Variants in ROCK1 observed in about 807,000 individuals in gnomAD.
ROCK1 encodes rho-associated protein kinase 1.
ROCK1 carries 36 observed loss-of-function variants against 196.8 expected under a neutral mutation model. The observed-to-expected ratio is 0.18, with a 90% CI of 0.14 to 0.24. ROCK1 has a LOEUF of 0.24. ROCK1 is among the 10% of genes least tolerant of loss of function. The pLI is 1.00. For missense variants in ROCK1, 920 were observed against 1,562.0 expected (o/e 0.59, Z 6.93); for synonymous variants, 443 against 515.9 (o/e 0.86, Z 1.91).
intron 29 of ROCK1, among the ~76,000 whole-genome samples, chr18:20,958,112 C>G (rs2035264190): frequency 1.3e-5 from 2 of 152,230 alleles, no homozygotes; most frequent in Non-Finnish European, 1.5e-5. Flanking sequence ...TCTCATCAAT[C>G]TAAAAAGTAT....
chr18:21,036,682 T>A (rs1414835541), intron 9 of ROCK1, among the ~76,000 whole-genome samples: 1 of 151,848 alleles, frequency 6.6e-6, no homozygotes, highest in Non-Finnish European at 1.5e-5. Context: ...CCTCAAGAGG[T>A]CCTCCCACCT....
intron 22 of ROCK1, among the ~76,000 whole-genome samples, chr18:20,976,498 G>T (rs1348241314): frequency 6.6e-6 from 1 of 152,078 alleles, no homozygotes; most frequent in Non-Finnish European, 1.5e-5. Context: ...GTTATCATGT[G>T]GTAACAAATG....
At chr18:21,099,503 G>T (rs890538530) in intron 1 of ROCK1, among the ~76,000 whole-genome samples, 2 of 152,188 alleles carry the variant, frequency 1.3e-5, no homozygotes, top group African/African-American at 2.4e-5. Context: ...CAACACTTTG[G>T]GGGGTTGTGG....
At chr18:21,024,872 C>G (rs2035942959) in intron 10 of ROCK1, among the ~76,000 whole-genome samples, 1 of 152,198 alleles carries the variant, frequency 6.6e-6, no homozygotes, top group Non-Finnish European at 1.5e-5. Flanking sequence ...ATGACAAATT[C>G]TAGGTGTGGT....
At chr18:21,110,751 G>A in intron 1 of ROCK1, 67 bp downstream of exon 1, 1 of 1,265,116 alleles carries the variant, frequency 7.9e-7, no homozygotes, top group Non-Finnish European at 1.2e-6. Context: ...CAGCGAACCA[G>A]ACTAATGCAA....
rs149811184 is a variant in ROCK1, at chr18:21,082,815, G to A, written c.94-12202C>T. On this transcript the variant is annotated intron_variant, in intron 1 of 32. Transcript: ENST00000399799. ...TGTCACTTCTATTCAACTCATTATT[G>A]GAAGTTTTTGCCAGAGCAATTAGGT... is the stretch of plus-strand genomic sequence containing the variant. Among the ~76,000 whole-genome samples the A allele has an allele frequency of 2.0e-5, 3 of 152,256 alleles. No homozygotes were observed. In the East Asian group the frequency reaches 5.8e-4, roughly 29 times the overall value.
At chr18:20,969,421 T>C (rs1284636149) in intron 23 of ROCK1, 3 of 388,968 alleles carry the variant, frequency 7.7e-6, no homozygotes, top group Non-Finnish European at 1.4e-5. Context: ...TGCATATAGA[T>C]ATATGTATGA....
At chr18:20,974,874 C>T (rs2035465144) in intron 22 of ROCK1, among the ~76,000 whole-genome samples, 1 of 152,138 alleles carries the variant, frequency 6.6e-6, no homozygotes, top group South Asian at 2.1e-4. Context: ...TTTAAATATG[C>T]TCAAGTTTAC....
intron 1 of ROCK1, among the ~76,000 whole-genome samples, chr18:21,107,071 C>G (rs906906420): frequency 4.6e-5 from 7 of 152,142 alleles, no homozygotes; most frequent in African/African-American, 1.7e-4. Context: ...ATACCTTATA[C>G]ACAACAACCT....
chr18:20,969,018 A>G (rs1369413278), intron 24 of ROCK1, 97 bp downstream of exon 24: 1 of 907,188 alleles, frequency 1.1e-6, no homozygotes, highest in Non-Finnish European at 1.7e-6. Context: ...GTTACTTAAT[A>G]TATGAAAACA....
chr18:20,986,630 T>A (rs2035580520), intron 19 of ROCK1, among the ~76,000 whole-genome samples: 1 of 152,226 alleles, frequency 6.6e-6, no homozygotes, highest in Non-Finnish European at 1.5e-5. Context: ...TCTTTGGGGA[T>A]ATAAGATGCA....
intron 12 of ROCK1, among the ~76,000 whole-genome samples, chr18:21,018,731 T>C (rs1221502691): frequency 6.6e-6 from 1 of 152,212 alleles, no homozygotes; most frequent in Non-Finnish European, 1.5e-5. Flanking sequence ...CTATCAGGAA[T>C]GGTTAAAAGT....
chr18:21,044,024 A>C, intron 6 of ROCK1, 78 bp downstream of exon 6: 1 of 841,080 alleles, frequency 1.2e-6, no homozygotes, highest in Non-Finnish European at 1.9e-6. Flanking sequence ...ACCATTTTCT[A>C]AAGAATTCTT....
At chr18:20,997,755 A>C (rs2035684708) in intron 16 of ROCK1, among the ~76,000 whole-genome samples, 1 of 152,220 alleles carries the variant, frequency 6.6e-6, no homozygotes, top group South Asian at 2.1e-4. Flanking sequence ...AGTCTTGAAA[A>C]ATTCAAAAAA....
intron 12 of ROCK1, 126 bp from the exon 13 acceptor site, chr18:21,015,605 C>T: frequency 1.5e-6 from 1 of 666,980 alleles, no homozygotes; most frequent in South Asian, 1.8e-5. Flanking sequence ...CCATGGATCT[C>T]TTTGGCAGTC....
chr18:21,063,684 G>A (rs117604179), intron 2 of ROCK1, among the ~76,000 whole-genome samples: 15 of 152,284 alleles, frequency 9.9e-5, no homozygotes, highest in Non-Finnish European at 1.8e-4. Context: ...TGGCAGCAAC[G>A]TAGGTAACTG....
chr18:21,091,039 C>T, intron 1 of ROCK1, among the ~76,000 whole-genome samples: 1 of 105,436 alleles, frequency 9.5e-6, no homozygotes, highest in South Asian at 4.0e-4. Flanking sequence ...CATAGATCTA[C>T]TTATATGTGG....
intron 13 of ROCK1, among the ~76,000 whole-genome samples, chr18:21,009,207 G>T (rs1185629112): frequency 6.9e-6 from 1 of 145,582 alleles, no homozygotes; most frequent in Admixed American, 6.8e-5. Context: ...TAGAGATGGG[G>T]TTTCACCATG....
chr18:21,051,105 G>GA (rs1462846706), intron 2 of ROCK1, among the ~76,000 whole-genome samples: 1 of 152,090 alleles, frequency 6.6e-6, no homozygotes, highest in African/African-American at 2.4e-5. Flanking sequence ...GATGGTACCT[G>GA]AAAAAAGTCT....
Sources: allele counts gnomAD v4.1 joint callset (sites outside exome capture counted in the v4.1 genomes callset), GRCh38; gene constraint gnomAD v4.1.1; transcripts MANE v1.5; gene names NCBI Gene and HGNC (gene_info 2026-07-23, HGNC 2026-07-21).